Variants in ATP9B observed in about 807,000 individuals in gnomAD.
ATP9B encodes the protein probable phospholipid-transporting ATPase IIB.
In ATP9B, 110 loss-of-function variants were observed where a neutral mutation model predicts 146.1. The ratio of observed to expected loss-of-function variants is 0.75; its 90% CI spans 0.65 to 0.88. The LOEUF is 0.88. ATP9B is among the 40% of genes least tolerant of loss of function. The probability of loss-of-function intolerance (pLI) is 0.00; values close to 1 mark genes in which losing one functional copy is unlikely to be tolerated. For missense variants in ATP9B, 1,499 were observed against 1,496.4 expected (o/e 1.00, Z -0.03); for synonymous variants, 604 against 569.7 (o/e 1.06, Z -0.86).
At chr18:79,229,514 A>G (rs940608950) in intron 11 of ATP9B, among the ~76,000 whole-genome samples, 1 of 152,250 alleles carries the variant, frequency 6.6e-6, no homozygotes, top group South Asian at 2.1e-4. Flanking sequence ...TTTAATTCCA[A>G]ACAATATAAA....
chr18:79,221,308 C>T (rs2095674517), intron 11 of ATP9B, among the ~76,000 whole-genome samples: 1 of 152,204 alleles, frequency 6.6e-6, no homozygotes, highest in Non-Finnish European at 1.5e-5. Context: ...AAGGAGCATC[C>T]TCAGCTCCTG....
chr18:79,305,624 G>A (rs1162094819), intron 14 of ATP9B, among the ~76,000 whole-genome samples: 1 of 152,080 alleles, frequency 6.6e-6, no homozygotes, highest in African/African-American at 2.4e-5. Flanking sequence ...ATCTATGAAT[G>A]TAATTTTAAT....
At chr18:79,364,093 C>T (rs1381858816) in intron 26 of ATP9B, 1 of 152,100 alleles carries the variant, frequency 6.6e-6, no homozygotes, top group Non-Finnish European at 1.5e-5. Context: ...CGGTGAAACA[C>T]CGTCTCTACT....
Position 79,336,608 on chromosome 18 carries a change from C to T in ATP9B, c.2029-20C>T. On this transcript the variant is annotated intron_variant, in intron 17 of 29. Coordinates refer to ENST00000426216, the MANE Select transcript of ATP9B (RefSeq NM_198531.5). ...GGGGCTCTGCAGGGCCCACCTGTGA[C>T]TCGGCCTCTCCTTTTCCAGTGCGGA... 1.2e-6 allele frequency: 2 copies of T among 1,612,422 alleles called. No homozygotes were observed. Among genetic ancestry groups the T allele is most frequent in the Non-Finnish European group, 1.7e-6 (2 of 1,179,124 alleles).
chr18:79,198,324 A>G (rs1414916058), intron 9 of ATP9B, among the ~76,000 whole-genome samples: 1 of 152,218 alleles, frequency 6.6e-6, no homozygotes, highest in Non-Finnish European at 1.5e-5. Context: ...TAAAAAATAG[A>G]TACCGTACCA....
intron 11 of ATP9B, 94 bp from the exon 12 acceptor site, chr18:79,253,286 GT>G (rs879245600): frequency 8.7e-4 from 929 of 1,062,954 alleles, no homozygotes; most frequent in Non-Finnish European, 9.9e-4. Flanking sequence ...AAATTTTAAA[GT>G]TTTTTTTTTA....
At chr18:79,305,963 G>T (rs1217308308) in intron 14 of ATP9B, among the ~76,000 whole-genome samples, 1 of 152,228 alleles carries the variant, frequency 6.6e-6, no homozygotes, top group Non-Finnish European at 1.5e-5. Flanking sequence ...AAATTAAATT[G>T]TACAAGCATC....
At chr18:79,166,637 T>C (rs1273389364) in intron 7 of ATP9B, among the ~76,000 whole-genome samples, 5 of 151,976 alleles carry the variant, frequency 3.3e-5, no homozygotes, top group Admixed American at 1.3e-4. Context: ...TTGTGAGAGG[T>C]CTCTAAGCCA....
intron 13 of ATP9B, among the ~76,000 whole-genome samples, chr18:79,283,214 G>A (rs1373543351): frequency 1.3e-5 from 2 of 152,190 alleles, no homozygotes. Context: ...TCACCTTGGG[G>A]GCCTCAGTCA....
chr18:79,367,588 G>A (rs1433884204), intron 26 of ATP9B, among the ~76,000 whole-genome samples: 3 of 152,268 alleles, frequency 2.0e-5, no homozygotes, highest in Non-Finnish European at 4.4e-5. Flanking sequence ...TCAACCAGAG[G>A]ATTCCAGTTA....
chr18:79,199,823 C>T (rs561759752), intron 9 of ATP9B, among the ~76,000 whole-genome samples: 2 of 151,842 alleles, frequency 1.3e-5, no homozygotes, highest in Admixed American at 6.6e-5. Flanking sequence ...TAGGCCTACT[C>T]GGATCATCAG....
intron 26 of ATP9B, chr18:79,361,815 A>G: frequency 1.0e-6 from 1 of 985,434 alleles, no homozygotes; most frequent in Non-Finnish European, 1.2e-6. Flanking sequence ...GGATGTGCCA[A>G]CGCAGTTTAT....
intron 15 of ATP9B, among the ~76,000 whole-genome samples, chr18:79,323,596 A>G (rs1279905747): frequency 6.6e-6 from 1 of 152,130 alleles, no homozygotes; most frequent in Non-Finnish European, 1.5e-5. Context: ...CACTTAGCAT[A>G]ATGTGCCCCT....
chr18:79,307,047 C>T lies in ATP9B; in HGVS notation c.1586C>T (p.Ser529Leu), dbSNP rs762119238. Residue 529 changes from serine (S) to leucine (L), a missense_variant, in exon 15 of 30, where the codon TCA becomes TTA. By Grantham distance (145) the Ser-to-Leu change is moderately radical. Coordinates refer to ENST00000426216, the MANE Select transcript of ATP9B (RefSeq NM_198531.5). ...GSTPLRKAQS[S>L]APKVRKSVSS... ...ACTCCACTAAGAAAAGCCCAATCTT[C>T]AGCTCCCAAAGTTAGGAAAAGTGTC... The T allele has an allele frequency of 1.9e-6, 3 of 1,614,108 alleles. No individual in the cohort carries two copies.
intron 7 of ATP9B, among the ~76,000 whole-genome samples, chr18:79,160,945 T>A (rs1205885867): frequency 3.9e-5 from 6 of 152,146 alleles, no homozygotes; most frequent in Non-Finnish European, 8.8e-5. Flanking sequence ...GATTTTTGTA[T>A]TTTTAGTAGA....
At chr18:79,249,462 T>G (rs2096001910) in intron 11 of ATP9B, among the ~76,000 whole-genome samples, 1 of 152,230 alleles carries the variant, frequency 6.6e-6, no homozygotes, top group African/African-American at 2.4e-5. Context: ...CAATGAATGT[T>G]GAAAATAACT....
chr18:79,153,535 C>A (rs1040785233), intron 6 of ATP9B, among the ~76,000 whole-genome samples: 1 of 152,110 alleles, frequency 6.6e-6, no homozygotes, highest in African/African-American at 2.4e-5. Context: ...CTTTCCAGGG[C>A]CATTTAGTCT....
chr18:79,303,055 A>G (rs773499624), intron 13 of ATP9B, among the ~76,000 whole-genome samples: 8 of 152,194 alleles, frequency 5.3e-5, no homozygotes, highest in Non-Finnish European at 1.0e-4. Flanking sequence ...CTTTCTTCAT[A>G]TAACTAGAGC....
rs1168427839 is a variant in ATP9B, at chr18:79,202,469, C to T, written c.955-4468C>T. On this transcript the variant is annotated intron_variant, in intron 9 of 29. Transcript: ENST00000426216. ...TCATGTCTTCTTCAGCCAAAATACT[C>T]TCCTTCAAAAAAGCAAACCTCTGCT... is the stretch of plus-strand genomic sequence containing the variant. 6.6e-5 allele frequency among the ~76,000 whole-genome samples: 10 copies of T among 152,272 alleles called. No individual in the cohort carries two copies. The East Asian group carries it at 1.9e-3, about 29-fold the overall frequency.
Sources: allele counts gnomAD v4.1 joint callset (sites outside exome capture counted in the v4.1 genomes callset), GRCh38; gene constraint gnomAD v4.1.1; transcripts MANE v1.5; gene names NCBI Gene and HGNC (gene_info 2026-07-23, HGNC 2026-07-21).